SLC45A1: variants seen among roughly 807,000 people sequenced by gnomAD.
SLC45A1 encodes the protein solute carrier family 45 member 1, also known as proton-associated sugar transporter A.
SLC45A1 carries 28 observed loss-of-function variants against 57.6 expected under a neutral mutation model. The ratio of observed to expected loss-of-function variants is 0.49; its 90% confidence interval spans 0.36 to 0.67. SLC45A1 has a LOEUF of 0.67. SLC45A1 is among the 30% of genes least tolerant of loss of function. SLC45A1 has a pLI of 0.00. For missense variants in SLC45A1, 814 were observed against 1,041.5 expected (o/e 0.78, Z 3.01); for synonymous variants, 459 against 471.5 (o/e 0.97, Z 0.34).
intron 8 of SLC45A1, among the ~76,000 whole-genome samples, chr1:8,340,699 G>A (rs964401521): frequency 2.6e-5 from 4 of 152,156 alleles, no homozygotes; most frequent in African/African-American, 7.2e-5. Context: ...AGGTGACAGT[G>A]TAATTTATTA....
intron 6 of SLC45A1, among the ~76,000 whole-genome samples, chr1:8,336,917 T>G (rs562375065): frequency 1.3e-5 from 2 of 152,290 alleles, no homozygotes; most frequent in African/African-American, 4.8e-5. Context: ...TTTCTCCCAA[T>G]TAAATGGATC....
At position 8,330,558 on chromosome 1, in the gene SLC45A1, C is replaced by A; in HGVS notation, c.1065C>A (p.Asp355Glu). 1 of 1,613,378 alleles carries A rather than the reference C, an allele frequency of 6.2e-7. No homozygotes were observed. Among genetic ancestry groups the A allele is most frequent in the South Asian group, 1.1e-5 (1 of 91,086 alleles). Residue 355 changes from aspartate (D) to glutamate (E), a missense_variant, in exon 5 of 9, where the codon GAC becomes GAA. Asp to Glu is a conservative substitution (Grantham distance 45, BLOSUM62 2). Transcript: ENST00000471889. The surrounding 1 kb of genome is among the most constrained non-coding windows in gnomAD (Gnocchi z 8.4). ...AGTACGGCAGCTTCATCAGCAGGGACAGCTCCCTGACGGGCATCAGCGAGT... is the reference window on the plus strand; with the variant it reads ...AGTACGGCAGCTTCATCAGCAGGGAAAGCTCCCTGACGGGCATCAGCGAGT... ...TPKYGSFISR[D>E]SSLTGISEFA...
chr1:8,341,428 G>A (rs113885275), intron 8 of SLC45A1, among the ~76,000 whole-genome samples: 7,311 of 151,286 alleles, frequency 0.048, 620 homozygotes, highest in African/African-American at 0.17. Flanking sequence ...CCAGCTACAC[G>A]GGAGGCTGAG....
rs1341144296 is a variant in SLC45A1, at chr1:8,324,581, C to T, written c.252C>T (p.Phe84=). Residue 84 remains phenylalanine, a synonymous_variant, in exon 2 of 9, where the codon TTC becomes TTT. Transcript: ENST00000471889. The stretch of plus-strand genomic sequence containing the variant: ...GGGACCTGCACCCCCAGAGGTCCTT[C>T]CGGGAGCTGCTTTTCAACGGCTGCA... The part of the protein sequence containing the change: ...DFGDLHPQRS[F]RELLFNGCIL... 1 of 1,607,462 alleles carries T rather than the reference C, an allele frequency of 6.2e-7. No homozygotes were observed. Among genetic ancestry groups the T allele is most frequent in the African/African-American group, 1.3e-5 (1 of 74,440 alleles).
chr1:8,325,891 C>T lies in SLC45A1; in HGVS notation c.564C>T (p.Asn188=). The T allele has an allele frequency of 6.2e-7, 1 of 1,614,078 alleles. No homozygotes were observed. Among genetic ancestry groups the T allele is most frequent in the South Asian group, 1.1e-5 (1 of 91,090 alleles). Residue 188 remains asparagine, a synonymous_variant, in exon 4 of 9, where the codon AAC becomes AAT. Transcript: ENST00000471889. This position sits in a 1 kb window ranked among gnomAD's most constrained non-coding sequence, Gnocchi z 6.3. ...TCGCCCTGGCTGACGTGACCGGGAACCACAAGTGGGGCCTGCTGCTGACCG... is the reference window on the plus strand; with the variant it reads ...TCGCCCTGGCTGACGTGACCGGGAATCACAAGTGGGGCCTGCTGCTGACCG... ...IGIALADVTG[N]HKWGLLLTVC...
At chr1:8,340,051 C>G (rs1454643022) in intron 8 of SLC45A1, among the ~76,000 whole-genome samples, 2 of 152,178 alleles carry the variant, frequency 1.3e-5, no homozygotes, top group Non-Finnish European at 2.9e-5. Flanking sequence ...TATGGGGAGG[C>G]AGTGAAGCTC....
Position 8,328,172 on chromosome 1 carries a change from A to C in SLC45A1, c.716-2037A>C, listed in dbSNP as rs541278326. 5.3e-5 allele frequency: 8 copies of C among 152,300 alleles called. No homozygotes were observed. The South Asian group carries it at 1.7e-3, about 32-fold the overall frequency. The allele number at this position is 152,300 out of a possible 1,614,324, so 9.4% of individuals were successfully genotyped here. A position where few individuals can be genotyped will look rare whatever the true frequency, so the allele number is the denominator to read the frequency against. ...CCAACCCTCACTGCTGCACTTGACT[A>C]GTCTTGAAAAAGAAACAGATATTGG... is the stretch of plus-strand genomic sequence containing the variant. On this transcript the variant is annotated intron_variant, in intron 4 of 8. Coordinates refer to ENST00000471889, the MANE Select transcript of SLC45A1 (RefSeq NM_001080397.3). This position sits in a 1 kb window ranked among gnomAD's most constrained non-coding sequence, Gnocchi z 4.6.
Position 8,335,633 on chromosome 1 carries a change from C to T in SLC45A1, c.1597+43C>T. ...CCTCCCCGTGAGTCCTGGTCCTGCT[C>T]AGGGCTCTCGCCCCACTGGCCTCCC... On this transcript the variant is annotated intron_variant, in intron 6 of 8. Transcript: ENST00000471889. This position sits in a 1 kb window ranked among gnomAD's most constrained non-coding sequence, Gnocchi z 4.1. 2 of 1,543,314 alleles carry T rather than the reference C, an allele frequency of 1.3e-6. No individual in the cohort carries two copies. The highest frequency in any genetic ancestry group is 1.7e-6 in the Non-Finnish European group (2 of 1,149,186).
rs763712670 is a variant in SLC45A1, at chr1:8,325,980, T to G, written c.653T>G (p.Met218Arg). ...DSADNPSHAYMMDVCSPADQD... is the reference protein window; with the variant it reads ...DSADNPSHAYRMDVCSPADQD... ...GCGGACAACCCCAGCCACGCCTACA[T>G]GATGGACGTGTGCAGCCCCGCAGAC... is the stretch of plus-strand genomic sequence containing the variant. Residue 218 changes from methionine (M) to arginine (R), a missense_variant, in exon 4 of 9, where the codon ATG (methionine) becomes AGG (arginine). Transcript: ENST00000471889. The surrounding 1 kb of genome is among the most constrained non-coding windows in gnomAD (Gnocchi z 6.3). The G allele has an allele frequency of 6.2e-7, 1 of 1,612,002 alleles. No homozygotes were observed. The highest frequency in any genetic ancestry group is 8.5e-7 in the Non-Finnish European group (1 of 1,180,010).
Position 8,324,504 on chromosome 1 carries a change from T to TGG in SLC45A1, c.175_176insGG (p.Ser59TrpfsTer51). The stretch of plus-strand genomic sequence containing the variant: ...CAAGAGGAGGAAGTGCATTCGTCCC[T>TGG]CCCCACCCCCGCCCCCCAACACCCC... On this transcript the variant is annotated frameshift_variant, in exon 2 of 9. Coordinates refer to ENST00000471889, the MANE Select transcript of SLC45A1 (RefSeq NM_001080397.3). LOFTEE classifies it high-confidence loss of function. 1.4e-5 allele frequency: 22 copies of TGG among 1,528,282 alleles called. No individual in the cohort carries two copies. Among genetic ancestry groups the TGG allele is most frequent in the South Asian group, 2.2e-5 (2 of 89,138 alleles). The allele number at this position is 1,528,282 out of a possible 1,614,324, so 94.7% of individuals were successfully genotyped here.
rs375674522 is a variant in SLC45A1, at chr1:8,337,768, A to C, written c.1598-48A>C. ...CGCATGTTGGTTAGAGAAAGGGCAGAGTGTTGGCCTTTGCCCCCGAGGTCA... is the reference window on the plus strand; with the variant it reads ...CGCATGTTGGTTAGAGAAAGGGCAGCGTGTTGGCCTTTGCCCCCGAGGTCA... On this transcript the variant is annotated intron_variant, in intron 6 of 8. Transcript: ENST00000471889. 3.9e-6 allele frequency: 6 copies of C among 1,546,388 alleles called. No homozygotes were observed. The African/African-American group carries it at 6.9e-5, about 18-fold the overall frequency.
rs1640284934 is a variant in SLC45A1, at chr1:8,328,899, AC to A, written c.716-1309del. On this transcript the variant is annotated intron_variant, in intron 4 of 8. Coordinates refer to ENST00000471889, the MANE Select transcript of SLC45A1 (RefSeq NM_001080397.3). The surrounding 1 kb of genome is among the most constrained non-coding windows in gnomAD (Gnocchi z 4.6). ...TGAAATCTGACCTTGGATAAGGGTC[AC>A]GAACAGCAATGGTGTCTTTCAGGAG... 6.6e-6 allele frequency among the ~76,000 whole-genome samples: 1 copy of A among 152,202 alleles called. No homozygotes were observed. The highest frequency in any genetic ancestry group is 1.9e-4 in the East Asian group (1 of 5,200).
chr1:8,318,152 G>A lies in SLC45A1; in HGVS notation c.-59G>A, dbSNP rs1639877954. On this transcript the variant is annotated 5_prime_UTR_variant, in exon 1 of 9. Transcript: ENST00000471889. ...CCGCGGCCGGGCAGGCAGCAGCCCA[G>A]CGGGGACAGGGATGCCTGCCGTCTC... 1 of 452,648 alleles carries A rather than the reference G, an allele frequency of 2.2e-6. No homozygotes were observed. Among genetic ancestry groups the A allele is most frequent in the Non-Finnish European group, 4.0e-6 (1 of 247,900 alleles). The allele number at this position is 452,648 out of a possible 1,614,324, so 28.0% of individuals were successfully genotyped here.
chr1:8,336,938 C>T (rs771615114), intron 6 of SLC45A1, among the ~76,000 whole-genome samples: 1 of 152,206 alleles, frequency 6.6e-6, no homozygotes, highest in African/African-American at 2.4e-5. Flanking sequence ...CCCTCCCCTG[C>T]ACCACCCAGG....
chr1:8,342,929 G>T (rs1416982075), intron 8 of SLC45A1, among the ~76,000 whole-genome samples: 1 of 150,688 alleles, frequency 6.6e-6, no homozygotes, highest in Non-Finnish European at 1.5e-5. Context: ...AGAAAAGAAA[G>T]AAAGAAAAGA....
At chr1:8,334,671 C>A (rs1161502630) in intron 5 of SLC45A1, among the ~76,000 whole-genome samples, 1 of 152,152 alleles carries the variant, frequency 6.6e-6, no homozygotes, top group African/African-American at 2.4e-5. Flanking sequence ...CCACTGCACT[C>A]CAGCCCAGGC....
In SLC45A1 at chr1:8,319,769, TG is replaced by T. The variant is rs1475430372; in HGVS notation, c.-25+1584del. 5.9e-5 allele frequency among the ~76,000 whole-genome samples: 9 copies of T among 152,222 alleles called. No individual in the cohort carries two copies. In the East Asian group the frequency reaches 1.7e-3, roughly 29 times the overall value. ...TCTCACTCTGTTGCCCAGGCTGGAG[TG>T]CAGTGGTGCGATCTCAGCTCGCTAC... On this transcript the variant is annotated intron_variant, in intron 1 of 8. Coordinates refer to ENST00000471889, the MANE Select transcript of SLC45A1 (RefSeq NM_001080397.3).
At position 8,326,157 on chromosome 1, in the gene SLC45A1, A is replaced by G. The variant is rs1200352170; in HGVS notation, c.715+115A>G. The G allele has an allele frequency of 5.3e-6, 4 of 748,212 alleles. No individual in the cohort carries two copies. Among genetic ancestry groups the G allele is most frequent in the Non-Finnish European group, 8.7e-6 (4 of 457,608 alleles). 46.3% of individuals were successfully genotyped at this position (748,212 alleles called of 1,614,324 possible). Reference sequence around the variant, plus strand: ...TAACAAAGAAGCTGGGAGAATTCCAATACATGGAGAAACACTGAAGTGATT... The same window carrying G: ...TAACAAAGAAGCTGGGAGAATTCCAGTACATGGAGAAACACTGAAGTGATT... On this transcript the variant is annotated intron_variant, in intron 4 of 8. Coordinates refer to ENST00000471889, the MANE Select transcript of SLC45A1 (RefSeq NM_001080397.3). This position sits in a 1 kb window ranked among gnomAD's most constrained non-coding sequence, Gnocchi z 5.5.
chr1:8,337,745 C>T (rs1396441858), intron 6 of SLC45A1, 71 bp from the exon 7 acceptor site: 6 of 1,391,686 alleles, frequency 4.3e-6, no homozygotes, highest in Admixed American at 2.0e-5. Context: ...CCAGTAGACG[C>T]ATGTTGGTTA....
Sources: gnomAD v4.1 joint callset for allele counts (sites outside exome capture counted in the v4.1 genomes callset) on GRCh38, gnomAD v4.1.1 for gene constraint, Gnocchi (gnomAD v3.1) non-coding constraint, MANE v1.5 for transcripts, NCBI Gene and HGNC (gene_info 2026-07-23, HGNC 2026-07-21) for gene names.